SARS2: variants seen among roughly 807,000 people sequenced by gnomAD.
SARS2 encodes seryl-tRNA synthetase 2, mitochondrial, also known as serine--tRNA ligase, mitochondrial.
Under a neutral mutation model 66.8 loss-of-function variants are expected in SARS2, and 52 were observed. The ratio of observed to expected loss-of-function variants is 0.78; its 90% CI spans 0.62 to 0.98. The LOEUF is 0.98. Among genes scored for constraint, SARS2 ranks in the 50% least tolerant of loss-of-function variants. The pLI is 0.00. For missense variants in SARS2, 673 were observed against 706.3 expected (o/e 0.95, Z 0.53); for synonymous variants, 306 against 281.4 (o/e 1.09, Z -0.87).
chr19:38,918,951 G>A (rs1405649274), intron 7 of SARS2, 138 bp from the exon 8 acceptor site: 5 of 804,782 alleles, frequency 6.2e-6, no homozygotes, highest in Non-Finnish European at 1.0e-5. Flanking sequence ...GCTCACCCAT[G>A]TAATCCCAGC....
rs1340694250 is a variant in SARS2 at position 38,917,985 on chromosome 19, T to A, written c.986A>T (p.Tyr329Phe). 1 of 1,604,022 alleles carries A rather than the reference T, an allele frequency of 6.2e-7. No individual in the cohort carries two copies. Residue 329 changes from tyrosine (Y) to phenylalanine (F), a missense_variant, in exon 11 of 16, where the codon TAC (tyrosine) becomes TTC (phenylalanine). Tyr to Phe is a conservative substitution (Grantham distance 22). Transcript: ENST00000221431. ...PVRMVCSSTC[Y>F]RAETNTGQEP... ...CTGTCCCGTGTTTGTCTCTGCCCGGTAGCAGGTGCTGGAGCAAACCATCCT... is the reference window on the plus strand; with the variant it reads ...CTGTCCCGTGTTTGTCTCTGCCCGGAAGCAGGTGCTGGAGCAAACCATCCT...
At chr19:38,917,255 C>T (rs1385657945) in intron 12 of SARS2, among the ~76,000 whole-genome samples, 1 of 152,260 alleles carries the variant, frequency 6.6e-6, no homozygotes, top group Non-Finnish European at 1.5e-5. Flanking sequence ...CCACCACACC[C>T]GGCTTACGCT....
At chr19:38,927,015 C>T (rs1349372637) in intron 1 of SARS2, among the ~76,000 whole-genome samples, 1 of 150,082 alleles carries the variant, frequency 6.7e-6, no homozygotes, top group Non-Finnish European at 1.5e-5. Context: ...TGGCTCATTA[C>T]AACCTCTGCC....
chr19:38,921,261 G>A, intron 5 of SARS2, 131 bp downstream of exon 5: 1 of 964,326 alleles, frequency 1.0e-6, no homozygotes, highest in Non-Finnish European at 1.6e-6. Flanking sequence ...GGAAGCTGGA[G>A]CCACCTCCTG....
chr19:38,915,536 T>A lies in SARS2; in HGVS notation c.*70A>T. 6.4e-7 allele frequency: 1 copy of A among 1,573,214 alleles called. No homozygotes were observed. The highest frequency in any genetic ancestry group is 8.7e-7 in the Non-Finnish European group (1 of 1,155,958). Reference sequence around the variant, plus strand: ...GTCAGGACGGGCTCAGCAACACAGGTCCCAGGTGTCCGGGGTCTCCTGAAC... The same window carrying A: ...GTCAGGACGGGCTCAGCAACACAGGACCCAGGTGTCCGGGGTCTCCTGAAC... On this transcript the variant is annotated 3_prime_UTR_variant, in exon 16 of 16. Transcript: ENST00000221431.
At position 38,915,747 on chromosome 19, in the gene SARS2, G is replaced by T; in HGVS notation, c.1416C>A (p.Asp472Glu). ...IALLESNQQK[D>E]GSVLVPPALQ... ...GGGCAGGGGGCACGAGCACTGAGCCGTCCTGGGGACAGAGCAGACCTCAGG... is the reference window on the plus strand; with the variant it reads ...GGGCAGGGGGCACGAGCACTGAGCCTTCCTGGGGACAGAGCAGACCTCAGG... Residue 472 changes from aspartate to glutamate, a missense_variant and splice_region_variant, in exon 16 of 16, where the codon GAC becomes GAA. Coordinates refer to ENST00000221431, the MANE Select transcript of SARS2 (RefSeq NM_017827.4). 1 of 1,613,330 alleles carries T rather than the reference G, an allele frequency of 6.2e-7. No individual in the cohort carries two copies. The highest frequency in any genetic ancestry group is 2.2e-5 in the East Asian group (1 of 44,874).
At chr19:38,922,518 A>G (rs1226725606) in intron 2 of SARS2, among the ~76,000 whole-genome samples, 1 of 152,218 alleles carries the variant, frequency 6.6e-6, no homozygotes, top group Non-Finnish European at 1.5e-5. Context: ...CTCTATGTAC[A>G]GGGCTCTCCC....
chr19:38,923,718 C>T (rs908493368), intron 2 of SARS2, among the ~76,000 whole-genome samples: 19 of 151,996 alleles, frequency 1.3e-4, no homozygotes, highest in Non-Finnish European at 2.2e-4. Flanking sequence ...TGGTGGCTTA[C>T]GCCTGTAATC....
rs539466378 is a variant in SARS2 at position 38,917,133 on chromosome 19, T to A, written c.1160+591A>T. Reference sequence around the variant, plus strand: ...GTGTGCCACCATACCCGGCTAATTTTAAAAAACGTAAAGACGAGCTCTCGC... The same window carrying A: ...GTGTGCCACCATACCCGGCTAATTTAAAAAAACGTAAAGACGAGCTCTCGC... On this transcript the variant is annotated intron_variant, in intron 12 of 15. Transcript: ENST00000221431. Among the ~76,000 whole-genome samples, 6 of 152,112 alleles carry A rather than the reference T, an allele frequency of 3.9e-5. No homozygotes were observed. In the South Asian group the frequency reaches 8.3e-4, roughly 21 times the overall value.
intron 3 of SARS2, 36 bp downstream of exon 3, chr19:38,922,202 C>T (rs781718322): frequency 1.2e-6 from 2 of 1,612,690 alleles, no homozygotes; most frequent in African/African-American, 1.3e-5. Context: ...CCTGCCCACC[C>T]CCAACCCTGG....
At chr19:38,923,698 A>G (rs1401850468) in intron 2 of SARS2, among the ~76,000 whole-genome samples, 1 of 136,930 alleles carries the variant, frequency 7.3e-6, no homozygotes, top group African/African-American at 2.8e-5. Context: ...TACAAAAATC[A>G]GGCCGGGCTT....
At chr19:38,929,644 C>T (rs1161297452) in intron 1 of SARS2, among the ~76,000 whole-genome samples, 1 of 151,818 alleles carries the variant, frequency 6.6e-6, no homozygotes, top group Non-Finnish European at 1.5e-5. Flanking sequence ...AGTTGCATGA[C>T]CTAGCGCAAG....
chr19:38,922,252 C>T lies in SARS2; in HGVS notation c.379G>A (p.Gly127Ser), dbSNP rs1171710979. 2 of 1,614,022 alleles carry T rather than the reference C, an allele frequency of 1.2e-6. No homozygotes were observed. The highest frequency in any genetic ancestry group is 1.7e-6 in the Non-Finnish European group (2 of 1,180,024). Reference protein sequence around the residue: ...VRALLANQDSGEVQQDPKYQG... With the variant: ...VRALLANQDSSEVQQDPKYQG... Reference sequence around the variant, plus strand: ...CTTCACAGTACCTGCTGCACTTCACCACTGTCCTGGTTTGCCTGGTAGAAA... The same window carrying T: ...CTTCACAGTACCTGCTGCACTTCACTACTGTCCTGGTTTGCCTGGTAGAAA... The change falls in exon 3 of 16, where the codon GGT becomes AGT. Residue 127 changes from glycine (G) to serine (S), a missense_variant. Transcript: ENST00000221431.
At chr19:38,922,159 C>A in intron 3 of SARS2, 79 bp downstream of exon 3, 1 of 1,599,950 alleles carries the variant, frequency 6.3e-7, no homozygotes, top group Admixed American at 1.7e-5. Context: ...TTTTCTGTTA[C>A]AATAGTAGAA....
chr19:38,923,460 G>A (rs908335946), intron 2 of SARS2, among the ~76,000 whole-genome samples: 1 of 144,512 alleles, frequency 6.9e-6, no homozygotes, highest in Non-Finnish European at 1.5e-5. Flanking sequence ...CTGACCTCGT[G>A]ATCCGCCCAC....
intron 5 of SARS2, 49 bp from the exon 6 acceptor site, chr19:38,920,198 T>G: frequency 6.9e-7 from 1 of 1,448,990 alleles, no homozygotes; most frequent in African/African-American, 1.4e-5. Flanking sequence ...GAGAGAGGGA[T>G]GGGGCCCAGA....
chr19:38,918,413 G>A lies in SARS2; in HGVS notation c.916+9C>T. On this transcript the variant is annotated intron_variant, in intron 9 of 15. Coordinates refer to ENST00000221431, the MANE Select transcript of SARS2 (RefSeq NM_017827.4). ...CCTGCTCCTCCCCACCACCCACACA[G>A]GTCCTCACCTGCAAGCCCCACCTCC... 1 of 1,608,502 alleles carries A rather than the reference G, an allele frequency of 6.2e-7. No individual in the cohort carries two copies. The highest frequency in any genetic ancestry group is 8.5e-7 in the Non-Finnish European group (1 of 1,175,056).
intron 5 of SARS2, 86 bp downstream of exon 5, chr19:38,921,306 C>G: frequency 7.1e-7 from 1 of 1,412,534 alleles, no homozygotes; most frequent in Non-Finnish European, 9.8e-7. Flanking sequence ...CAGACATGTT[C>G]CCAGACCCCA....
rs1417463320 is a variant in SARS2 at position 38,918,130 on chromosome 19, A to G, written c.926T>C (p.Met309Thr). 3 of 1,598,436 alleles carry G rather than the reference A, an allele frequency of 1.9e-6. No homozygotes were observed. The highest frequency in any genetic ancestry group is 1.7e-6 in the Non-Finnish European group (2 of 1,172,990). The change falls in exon 10 of 16, where the codon ATG (methionine) becomes ACG (threonine). Residue 309 changes from methionine (M) to threonine (T), a missense_variant. By Grantham distance (81) the Met-to-Thr change is moderately conservative (BLOSUM62 -1). Transcript: ENST00000221431. The part of the protein sequence containing the change: ...TAEVGLAGYF[M>T]DHTVAFRDLP... ...GTCCCTGAAGGCCACGGTGTGGTCC[A>G]TGAAGTAGCCTGGGAGGAGAGACCA...
Sources: gnomAD v4.1 joint callset for allele counts (sites outside exome capture counted in the v4.1 genomes callset) on GRCh38, gnomAD v4.1.1 for gene constraint, MANE v1.5 for transcripts, NCBI Gene and HGNC (gene_info 2026-07-23, HGNC 2026-07-21) for gene names.